Variants in HNMT observed in about 807,000 individuals in gnomAD.
The protein encoded by HNMT is histamine N-methyltransferase.
HNMT carries 30 observed loss-of-function variants against 32.1 expected under a neutral mutation model. The observed-to-expected ratio is 0.93, with a 90% CI of 0.70 to 1.27. HNMT has a LOEUF of 1.27. Ranked by LOEUF, HNMT falls within the 50% of genes most tolerant of loss-of-function variation. HNMT has a pLI of 0.00. For synonymous variants in HNMT, 125 were observed against 119.0 expected (o/e 1.05, Z -0.33); for missense variants, 327 against 346.0 (o/e 0.95, Z 0.43).
intron 5 of HNMT, among the ~76,000 whole-genome samples, chr2:138,011,140 C>T (rs1204113309): frequency 1.3e-5 from 2 of 150,930 alleles, no homozygotes; most frequent in Non-Finnish European, 2.9e-5. Context: ...GAAATGGCAC[C>T]GAGTCACAGC....
chr2:138,008,402 A>T (rs900228465), intron 5 of HNMT, among the ~76,000 whole-genome samples: 2 of 151,962 alleles, frequency 1.3e-5, no homozygotes, highest in South Asian at 4.1e-4. Flanking sequence ...AAGGGTTTTT[A>T]GGTTGATTCC....
rs16840009 is a variant in HNMT at position 137,976,546 on chromosome 2, C to T, written c.190+6329C>T. Among the ~76,000 whole-genome samples the T allele has an allele frequency of 8.2e-3, 1,245 of 152,072 alleles. 23 individuals carry two copies. The highest frequency in any genetic ancestry group is 0.029 in the African/African-American group (1,184 of 41,466). ...TACCATGTTTGCTGTATTGAGGAAG[C>T]GGTATTCTAATGGGGTTTCTAGACC... On this transcript the variant is annotated intron_variant, in intron 2 of 5. Transcript: ENST00000280097.
In HNMT at chr2:137,990,719, AC is replaced by A. The variant is rs1680792980; in HGVS notation, c.191-10198del. ...TACCCACACATATTTATATGTACAT[AC>A]ATATGTATATGTTCTGAGGGAAAAA... On this transcript the variant is annotated intron_variant, in intron 2 of 5. Transcript: ENST00000280097. Among the ~76,000 whole-genome samples the A allele has an allele frequency of 4.6e-5, 7 of 152,276 alleles. No homozygotes were observed. The South Asian group carries it at 1.4e-3, about 32-fold the overall frequency.
chr2:138,011,424 G>A (rs539135375), intron 5 of HNMT, among the ~76,000 whole-genome samples: 1 of 152,138 alleles, frequency 6.6e-6, no homozygotes, highest in Admixed American at 6.6e-5. Context: ...TTCTCCTAGA[G>A]CATATCCTGC....
At chr2:137,979,024 C>A in intron 2 of HNMT, among the ~76,000 whole-genome samples, 1 of 140,918 alleles carries the variant, frequency 7.1e-6, no homozygotes, top group African/African-American at 2.6e-5. Context: ...ATATAATATA[C>A]TATATAGGCA....
intron 4 of HNMT, chr2:138,002,662 G>A (rs1164507603): frequency 3.2e-6 from 1 of 313,138 alleles, no homozygotes; most frequent in Admixed American, 6.5e-5. Context: ...GCCCAGGCTG[G>A]TCTTGAAATC....
intron 2 of HNMT, among the ~76,000 whole-genome samples, chr2:137,971,567 G>A (rs1680138682): frequency 6.6e-6 from 1 of 152,174 alleles, no homozygotes; most frequent in Admixed American, 6.5e-5. Context: ...TGGAAAGGTA[G>A]ATGGACACAG....
intron 2 of HNMT, among the ~76,000 whole-genome samples, chr2:137,978,121 A>G (rs1480796118): frequency 6.6e-6 from 1 of 152,050 alleles, no homozygotes; most frequent in East Asian, 1.9e-4. Context: ...GTCTTATTCC[A>G]ATCATTAATT....
chr2:137,980,881 A>G (rs1680472971), intron 2 of HNMT, among the ~76,000 whole-genome samples: 1 of 152,154 alleles, frequency 6.6e-6, no homozygotes, highest in Non-Finnish European at 1.5e-5. Context: ...AGTAAAGAAA[A>G]GAAAGGATCT....
intron 5 of HNMT, among the ~76,000 whole-genome samples, chr2:138,009,486 A>G (rs1311364845): frequency 6.6e-6 from 1 of 152,028 alleles, no homozygotes; most frequent in Non-Finnish European, 1.5e-5. Context: ...TTTCCCTGAG[A>G]TAAATTGTTT....
At chr2:137,966,365 A>G (rs547792511) in intron 1 of HNMT, among the ~76,000 whole-genome samples, 3 of 152,228 alleles carry the variant, frequency 2.0e-5, no homozygotes, top group Non-Finnish European at 4.4e-5. Flanking sequence ...TTATTTATGG[A>G]ATTTTCTTTC....
chr2:137,997,963 A>G (rs1426308283), intron 2 of HNMT, among the ~76,000 whole-genome samples: 1 of 152,172 alleles, frequency 6.6e-6, no homozygotes, highest in Non-Finnish European at 1.5e-5. Context: ...GTGGCAGTTG[A>G]ACGATGAGAG....
intron 5 of HNMT, among the ~76,000 whole-genome samples, chr2:138,006,985 T>C (rs142970209): frequency 6.6e-6 from 1 of 152,194 alleles, no homozygotes; most frequent in Admixed American, 6.6e-5. Context: ...AATGTTTTAC[T>C]CACTTTCTCA....
intron 2 of HNMT, among the ~76,000 whole-genome samples, chr2:137,973,783 G>A (rs1031027621): frequency 1.3e-5 from 2 of 151,954 alleles, no homozygotes; most frequent in African/African-American, 2.4e-5. Context: ...TTTTTTTGGG[G>A]GGGGGTGGTC....
At chr2:137,976,218 A>T (rs1680281582) in intron 2 of HNMT, among the ~76,000 whole-genome samples, 1 of 150,434 alleles carries the variant, frequency 6.6e-6, no homozygotes. Flanking sequence ...GTGAGCCGAG[A>T]TCGGGCCATT....
intron 2 of HNMT, chr2:137,981,302 A>G (rs1680489890): frequency 6.2e-7 from 1 of 1,613,582 alleles, no homozygotes; most frequent in African/African-American, 1.3e-5. Context: ...CAAGCCAGGC[A>G]TGAGGATCCA....
chr2:138,011,594 A>G (rs1025898760), intron 5 of HNMT, among the ~76,000 whole-genome samples: 2 of 152,126 alleles, frequency 1.3e-5, no homozygotes, highest in Admixed American at 1.3e-4. Context: ...TGAGCATTCT[A>G]TAATCTTATG....
Position 138,015,920 on chromosome 2 carries a change from T to A in HNMT, c.*1790T>A, listed in dbSNP as rs1392694139. On this transcript the variant is annotated 3_prime_UTR_variant, in exon 6 of 6. Coordinates refer to ENST00000280097, the MANE Select transcript of HNMT (RefSeq NM_006895.3). ...TCTCGTCCTTATTAAACCCTTAGTA[T>A]ACAAGGATAAATAAATTCTCACCTG... 6.6e-6 allele frequency: 1 copy of A among 152,158 alleles called. No individual in the cohort carries two copies. Among genetic ancestry groups the A allele is most frequent in the Non-Finnish European group, 1.5e-5 (1 of 68,012 alleles). The allele number at this position is 152,158 out of a possible 1,614,324, so 9.4% of individuals were successfully genotyped here.
intron 2 of HNMT, among the ~76,000 whole-genome samples, chr2:137,986,695 C>T (rs1472596335): frequency 4.0e-5 from 6 of 151,576 alleles, no homozygotes; most frequent in Non-Finnish European, 7.4e-5. Context: ...ATAAACACTT[C>T]GAAAATAATT....
Sources: gnomAD v4.1 joint callset for allele counts (sites outside exome capture counted in the v4.1 genomes callset) on GRCh38, gnomAD v4.1.1 for gene constraint, MANE v1.5 for transcripts, NCBI Gene and HGNC (gene_info 2026-07-23, HGNC 2026-07-21) for gene names.